Variants in FHIT observed in about 807,000 individuals in gnomAD.
The protein encoded by FHIT is fragile histidine triad diadenosine triphosphatase.
In FHIT, 19 loss-of-function variants were observed where a neutral mutation model predicts 17.9. The ratio of observed to expected loss-of-function variants is 1.06; its 90% CI spans 0.74 to 1.56. The LOEUF (loss-of-function observed/expected upper bound fraction) is 1.56. Ranked by LOEUF, FHIT falls within the 40% of genes most tolerant of loss-of-function variation. The pLI is 0.00. For missense variants in FHIT, 248 were observed against 189.2 expected (o/e 1.31, Z -1.82); for synonymous variants, 81 against 69.7 (o/e 1.16, Z -0.81).
intron 6 of FHIT, 115 bp from the exon 7 acceptor site, chr3:60,011,515 G>T: frequency 1.1e-6 from 1 of 897,026 alleles, no homozygotes; most frequent in Non-Finnish European, 1.8e-6. Flanking sequence ...TTAATTTATA[G>T]TATTCTCATG....
chr3:60,302,169 C>T (rs370707826), intron 5 of FHIT, among the ~76,000 whole-genome samples: 2 of 152,138 alleles, frequency 1.3e-5, no homozygotes, highest in East Asian at 1.9e-4. Flanking sequence ...TTTATGTTTT[C>T]CTTTTTGAAG....
At chr3:60,849,815 G>T (rs1163810534) in intron 3 of FHIT, among the ~76,000 whole-genome samples, 1 of 151,756 alleles carries the variant, frequency 6.6e-6, no homozygotes, top group Non-Finnish European at 1.5e-5. Flanking sequence ...TCTCTCCAAG[G>T]AGCAATTCCT....
chr3:60,907,647 G>C (rs189681146), intron 3 of FHIT, among the ~76,000 whole-genome samples: 24 of 152,178 alleles, frequency 1.6e-4, no homozygotes, highest in Admixed American at 1.3e-3. Flanking sequence ...TGATATCTAT[G>C]ACTGAAATGC....
Position 60,109,967 on chromosome 3 carries a change from A to G in FHIT, c.104-95815T>C, listed in dbSNP as rs554305773. ...TGAGTGCTTTGATACTTGCTTCTCAAAAAACTACTTGGAAGGTAAAGGAGT... is the reference window on the plus strand; with the variant it reads ...TGAGTGCTTTGATACTTGCTTCTCAGAAAACTACTTGGAAGGTAAAGGAGT... On this transcript the variant is annotated intron_variant, in intron 5 of 9. Transcript: ENST00000492590. 3.4e-4 allele frequency among the ~76,000 whole-genome samples: 52 copies of G among 152,296 alleles called. 1 individual carries two copies. In the South Asian group the frequency reaches 1.0e-2, roughly 29 times the overall value.
At chr3:60,713,455 CA>C (rs1206970595) in intron 4 of FHIT, among the ~76,000 whole-genome samples, 35 of 141,128 alleles carry the variant, frequency 2.5e-4, no homozygotes, top group Admixed American at 1.2e-3. Flanking sequence ...AATAGAGACA[CA>C]AAAAACCCTT....
At position 60,565,724 on chromosome 3, in the gene FHIT, C is replaced by T. The variant is rs147890052; in HGVS notation, c.-17-28745G>A. On this transcript the variant is annotated intron_variant, in intron 4 of 9. Transcript: ENST00000492590. The stretch of plus-strand genomic sequence containing the variant: ...TTCAAAAAACCAGCTCCTGGATTCA[C>T]TGATTTTTTGAAGGGTTTTTTGTGT... Among the ~76,000 whole-genome samples the T allele has an allele frequency of 9.4e-3, 1,438 of 152,266 alleles. 31 individuals carry two copies. Among genetic ancestry groups the T allele is most frequent in the African/African-American group, 0.033 (1,374 of 41,566 alleles).
At chr3:60,894,362 G>A (rs782270616) in intron 3 of FHIT, among the ~76,000 whole-genome samples, 21 of 152,142 alleles carry the variant, frequency 1.4e-4, no homozygotes, top group Non-Finnish European at 2.6e-4. Flanking sequence ...CCTTTCCAAG[G>A]CATTCTATGC....
chr3:59,925,066 CCTT>C lies in FHIT; in HGVS notation c.280-2655_280-2653del, dbSNP rs1705588453. Reference sequence around the variant, plus strand: ...TTCTATCTTTTCTCTTTTTTCTTTTCCTTCTTCTTTCCCTCCTTCCTATTTTTT... The same window carrying C: ...TTCTATCTTTTCTCTTTTTTCTTTTCCTTCTTTCCCTCCTTCCTATTTTTT... On this transcript the variant is annotated intron_variant, in intron 7 of 9. Coordinates refer to ENST00000492590, the MANE Select transcript of FHIT (RefSeq NM_002012.4). Among the ~76,000 whole-genome samples, 2 of 146,674 alleles carry C rather than the reference CCTT, an allele frequency of 1.4e-5. 1 individual carries two copies. Among genetic ancestry groups the C allele is most frequent in the South Asian group, 4.3e-4 (2 of 4,636 alleles).
chr3:61,213,995 C>A (rs977381589), intron 1 of FHIT, among the ~76,000 whole-genome samples: 14 of 151,992 alleles, frequency 9.2e-5, no homozygotes, highest in South Asian at 4.2e-4. Context: ...TCTCTGGGAC[C>A]CATTCAAAGC....
chr3:59,870,084 C>T (rs182206599), intron 8 of FHIT, among the ~76,000 whole-genome samples: 237 of 152,246 alleles, frequency 1.6e-3, no homozygotes, highest in African/African-American at 5.2e-3. Flanking sequence ...AAAGAATTTA[C>T]TCAAGGTCAT....
intron 8 of FHIT, among the ~76,000 whole-genome samples, chr3:59,864,125 T>A (rs1702527595): frequency 6.6e-6 from 1 of 151,502 alleles, no homozygotes; most frequent in African/African-American, 2.4e-5. Flanking sequence ...GGAAGAGACA[T>A]ATACACAGTA....
At chr3:60,809,250 A>G (rs943292168) in intron 4 of FHIT, among the ~76,000 whole-genome samples, 12 of 152,190 alleles carry the variant, frequency 7.9e-5, no homozygotes, top group Non-Finnish European at 1.5e-5. Flanking sequence ...ACTGAAATCA[A>G]AGTAGTTTTT....
At position 60,571,345 on chromosome 3, in the gene FHIT, A is replaced by T. The variant is rs1319642787; in HGVS notation, c.-17-34366T>A. ...GGCAAGACTCCATCGCAAAAAAAAA[A>T]AAAAAAAAAAAAAAAAAAGAACAAT... On this transcript the variant is annotated intron_variant, in intron 4 of 9. Transcript: ENST00000492590. Among the ~76,000 whole-genome samples the T allele has an allele frequency of 6.6e-5, 8 of 121,282 alleles. 1 individual carries two copies. In the East Asian group the frequency reaches 8.3e-4, roughly 13 times the overall value. 79.6% of individuals were successfully genotyped at this position (121,282 alleles called of 152,430 possible). A position where few individuals can be genotyped will look rare whatever the true frequency, so the allele number is the denominator to read the frequency against.
intron 5 of FHIT, among the ~76,000 whole-genome samples, chr3:60,469,467 T>G (rs1040274049): frequency 1.3e-5 from 2 of 152,344 alleles, no homozygotes; most frequent in Non-Finnish European, 2.9e-5. Context: ...GTAGGCCAGC[T>G]GCATTTTTCA....
chr3:60,773,307 T>C (rs1700106990), intron 4 of FHIT, among the ~76,000 whole-genome samples: 1 of 152,232 alleles, frequency 6.6e-6, no homozygotes. Context: ...AGAATATTTA[T>C]TTATTAGTGT....
At chr3:60,820,718 C>T (rs150411918) in intron 4 of FHIT, among the ~76,000 whole-genome samples, 28 of 152,106 alleles carry the variant, frequency 1.8e-4, no homozygotes, top group Non-Finnish European at 2.6e-4. Context: ...GGGACTTAAC[C>T]GGAAGCAGGA....
At chr3:59,986,652 TTTATG>T (rs1361473512) in intron 7 of FHIT, among the ~76,000 whole-genome samples, 1 of 69,532 alleles carries the variant, frequency 1.4e-5, no homozygotes, top group East Asian at 4.8e-4. Flanking sequence ...TTAAAATATT[TTTATG>T]TATTTATATT....
At chr3:60,620,723 A>G (rs2247359) in intron 4 of FHIT, among the ~76,000 whole-genome samples, 76,674 of 151,950 alleles carry the variant, frequency 0.5, 19,566 homozygotes, top group South Asian at 0.54. Context: ...ATGATATAAC[A>G]GTGGTTGCAT....
chr3:60,813,621 A>G (rs543580183), intron 4 of FHIT, among the ~76,000 whole-genome samples: 2 of 152,046 alleles, frequency 1.3e-5, no homozygotes, highest in African/African-American at 2.4e-5. Context: ...CTCCAATTAC[A>G]TTTTTTCACC....
Sources: allele counts gnomAD v4.1 joint callset (sites outside exome capture counted in the v4.1 genomes callset), GRCh38; gene constraint gnomAD v4.1.1; transcripts MANE v1.5; gene names NCBI Gene and HGNC (gene_info 2026-07-23, HGNC 2026-07-21).